The following RTN4 variants were observed in gnomAD, a reference collection of about 807,000 sequenced individuals.
RTN4 encodes reticulon 4.
RTN4 carries 32 observed loss-of-function variants against 90.4 expected under a neutral mutation model. That is an observed-to-expected ratio of 0.35 (90% confidence interval 0.27 to 0.48). RTN4 has a LOEUF of 0.48. Ranked by LOEUF, RTN4 falls within the 20% of genes least tolerant of loss-of-function variation. The pLI is 0.99. For synonymous variants in RTN4, 629 were observed against 552.5 expected, an observed-to-expected ratio of 1.14 and a Z score of -1.94; for missense variants, 1,706 against 1,430.2, an observed-to-expected ratio of 1.19 and a Z score of -3.11.
At chr2:55,013,532 A>G (rs1680795897) in intron 3 of RTN4, among the ~76,000 whole-genome samples, 2 of 146,476 alleles carry the variant, frequency 1.4e-5, no homozygotes, top group African/African-American at 5.1e-5. Flanking sequence ...AAATACGCAT[A>G]AATCAATTCC....
At chr2:55,084,725 C>A (rs1047803035) in intron 1 of RTN4, among the ~76,000 whole-genome samples, 1 of 152,172 alleles carries the variant, frequency 6.6e-6, no homozygotes, top group Non-Finnish European at 1.5e-5. Context: ...CAATGTCTGC[C>A]AAGAAGTGGA....
At chr2:55,004,071 T>C (rs747374872) in intron 3 of RTN4, among the ~76,000 whole-genome samples, 1 of 152,098 alleles carries the variant, frequency 6.6e-6, no homozygotes, top group Non-Finnish European at 1.5e-5. Context: ...TCCTGAAAGA[T>C]GAAAAGAAAT....
the RTN4 span, among the ~76,000 whole-genome samples, chr2:55,122,692 G>C: frequency 6.6e-6 from 1 of 152,232 alleles, no homozygotes; most frequent in Non-Finnish European, 1.5e-5. Flanking sequence ...ATTAGTGACA[G>C]TGGTGGTGGG....
At chr2:54,978,580 T>C (rs762996068) in intron 5 of RTN4, among the ~76,000 whole-genome samples, 10 of 152,128 alleles carry the variant, frequency 6.6e-5, no homozygotes, top group Non-Finnish European at 8.8e-5. Flanking sequence ...GTTTAAAAAC[T>C]ATTATTTTGT....
At chr2:55,014,071 C>T (rs1197438348) in intron 3 of RTN4, among the ~76,000 whole-genome samples, 1 of 152,166 alleles carries the variant, frequency 6.6e-6, no homozygotes, top group East Asian at 1.9e-4. Context: ...ATGAAATTAA[C>T]ATGTTTCAAT....
At chr2:54,979,534 C>T (rs899484335) in intron 5 of RTN4, among the ~76,000 whole-genome samples, 17 of 152,168 alleles carry the variant, frequency 1.1e-4, no homozygotes, top group Middle Eastern at 3.4e-3. Flanking sequence ...AGGAAGTATT[C>T]AGTATTTCTG....
chr2:54,995,751 C>T (rs1235466236), intron 3 of RTN4, among the ~76,000 whole-genome samples: 2 of 152,104 alleles, frequency 1.3e-5, no homozygotes, highest in African/African-American at 2.4e-5. Context: ...ACAACTGATA[C>T]ACACCAGTGA....
At chr2:55,089,188 G>A (rs74259991) in intron 1 of RTN4, among the ~76,000 whole-genome samples, 10,790 of 152,168 alleles carry the variant, frequency 0.071, 556 homozygotes, top group South Asian at 0.19. Context: ...ATGAGCCACC[G>A]CGCCGGGCCA....
At chr2:55,053,022 A>G (rs1668125124), upstream of RTN4, among the ~76,000 whole-genome samples, 1 of 152,238 alleles carries the variant, frequency 6.6e-6, no homozygotes, top group Non-Finnish European at 1.5e-5. Flanking sequence ...AAGAATAATT[A>G]TAAATAGTAG....
At chr2:55,136,996 G>C in the RTN4 span, among the ~76,000 whole-genome samples, 4 of 152,152 alleles carry the variant, frequency 2.6e-5, no homozygotes, top group Non-Finnish European at 4.4e-5. Context: ...GCAGTCCTGC[G>C]GAGGAGAGAG....
chr2:55,021,886 G>C (rs536592186), intron 3 of RTN4, among the ~76,000 whole-genome samples: 25 of 152,146 alleles, frequency 1.6e-4, no homozygotes, highest in African/African-American at 5.8e-4. Context: ...CTATTCCCTA[G>C]TAAGTTGCTA....
At chr2:55,051,193 A>G (rs1012052039), upstream of RTN4, among the ~76,000 whole-genome samples, 4 of 152,196 alleles carry the variant, frequency 2.6e-5, no homozygotes, top group Non-Finnish European at 5.9e-5. Flanking sequence ...TCTGGGGCCG[A>G]CCATTTGAAA....
intron 3 of RTN4, among the ~76,000 whole-genome samples, chr2:55,014,044 C>G (rs1279389826): frequency 1.3e-5 from 2 of 152,148 alleles, no homozygotes; most frequent in Non-Finnish European, 2.9e-5. Flanking sequence ...TTTAACTATT[C>G]TGAGCTACAC....
At chr2:55,030,298 T>C (rs1163408842) in intron 1 of RTN4, among the ~76,000 whole-genome samples, 1 of 152,120 alleles carries the variant, frequency 6.6e-6, no homozygotes, top group Non-Finnish European at 1.5e-5. Context: ...GTTTTCAAAT[T>C]GGTATTTCAA....
chr2:55,099,126 T>C (rs1667805768), intron 1 of RTN4, among the ~76,000 whole-genome samples: 1 of 152,230 alleles, frequency 6.6e-6, no homozygotes, highest in Middle Eastern at 3.4e-3. Context: ...GCTGAATTAG[T>C]TCTTTAAACA....
intron 1 of RTN4, among the ~76,000 whole-genome samples, chr2:55,084,071 C>G (rs1668790556): frequency 6.6e-6 from 1 of 152,192 alleles, no homozygotes; most frequent in Non-Finnish European, 1.5e-5. Flanking sequence ...CAGCCCTACT[C>G]TGCAACCTCC....
intron 1 of RTN4, among the ~76,000 whole-genome samples, chr2:55,090,748 A>G (rs1668921477): frequency 6.6e-6 from 1 of 152,136 alleles, no homozygotes; most frequent in Non-Finnish European, 1.5e-5. Context: ...TTAGATATCT[A>G]ATAAGTAACT....
the RTN4 span, among the ~76,000 whole-genome samples, chr2:55,122,284 T>G: frequency 1.3e-5 from 2 of 152,014 alleles, no homozygotes; most frequent in Non-Finnish European, 1.5e-5. Flanking sequence ...CGGCCTTGGG[T>G]TTCCATTTTT....
intron 3 of RTN4, among the ~76,000 whole-genome samples, chr2:55,017,159 G>C (rs1681102327): frequency 6.6e-6 from 1 of 151,870 alleles, no homozygotes; most frequent in Non-Finnish European, 1.5e-5. Context: ...TCATAATAAA[G>C]TCCAACTTAC....
Sources: gnomAD v4.1 joint callset for allele counts (sites outside exome capture counted in the v4.1 genomes callset) on GRCh38, gnomAD v4.1.1 for gene constraint, MANE v1.5 for transcripts, NCBI Gene and HGNC (gene_info 2026-07-23, HGNC 2026-07-21) for gene names.